Variants in EFCAB6 observed in about 807,000 individuals in gnomAD.
The protein encoded by EFCAB6 is EF-hand calcium-binding domain-containing protein 6.
In EFCAB6, 156 loss-of-function variants were observed where a neutral mutation model predicts 169.8. The observed-to-expected ratio is 0.92, with a 90% CI of 0.81 to 1.05. EFCAB6 has a LOEUF of 1.05. Ranked by LOEUF, EFCAB6 falls within the 50% of genes least tolerant of loss-of-function variation. The pLI is 0.00. For missense variants in EFCAB6, 1,800 were observed against 1,829.1 expected (o/e 0.98, Z 0.29); for synonymous variants, 698 against 676.4 (o/e 1.03, Z -0.50).
At chr22:43,714,982 C>T (rs1176327349) in intron 9 of EFCAB6, among the ~76,000 whole-genome samples, 3 of 152,094 alleles carry the variant, frequency 2.0e-5, no homozygotes, top group Admixed American at 6.6e-5. Flanking sequence ...ATAAACTCAG[C>T]TAAGGACAAA....
chr22:43,569,540 G>T (rs1394407182), intron 26 of EFCAB6, among the ~76,000 whole-genome samples: 1 of 152,230 alleles, frequency 6.6e-6, no homozygotes, highest in Non-Finnish European at 1.5e-5. Context: ...GATGCATGGA[G>T]TCTGCCTGGT....
intron 24 of EFCAB6, 76 bp from the exon 25 acceptor site, chr22:43,580,735 A>G: frequency 6.7e-7 from 1 of 1,491,332 alleles, no homozygotes; most frequent in Non-Finnish European, 9.2e-7. Context: ...ACAGTTGCTG[A>G]GCACATTGGG....
chr22:43,614,187 A>AAAAAAAAAAAAAAAG (rs1283606826), intron 21 of EFCAB6, among the ~76,000 whole-genome samples: 2 of 150,180 alleles, frequency 1.3e-5, no homozygotes, highest in East Asian at 3.9e-4. Flanking sequence ...CAAAAAAAAA[A>AAAAAAAAAAAAAAAG]AAAAAAGAAC....
At chr22:43,636,297 CG>C (rs1404154524) in intron 17 of EFCAB6, among the ~76,000 whole-genome samples, 3 of 152,130 alleles carry the variant, frequency 2.0e-5, no homozygotes, top group Admixed American at 2.0e-4. Context: ...AGCAGTGCAG[CG>C]GTGCTCACTG....
Position 43,763,241 on chromosome 22 carries a change from G to A in EFCAB6, c.440+2064C>T, listed in dbSNP as rs376330013. Among the ~76,000 whole-genome samples, 144 of 151,994 alleles carry A rather than the reference G, an allele frequency of 9.5e-4. 1 individual carries two copies. The highest frequency in any genetic ancestry group is 3.1e-3 in the African/African-American group (127 of 41,448). On this transcript the variant is annotated intron_variant, in intron 5 of 31. Transcript: ENST00000262726. ...TTTAGTAGAGATGGGGTTTTGCTAC[G>A]TTGGCTATGCTAGTCTCGAACTCCT...
chr22:43,782,266 C>A lies in EFCAB6; in HGVS notation c.53G>T (p.Arg18Leu). The A allele has an allele frequency of 6.2e-7, 1 of 1,614,018 alleles. No homozygotes were observed. Among genetic ancestry groups the A allele is most frequent in the East Asian group, 2.2e-5 (1 of 44,874 alleles). Residue 18 changes from arginine (R) to leucine (L), a missense_variant, in exon 3 of 32, where the codon CGA (arginine) becomes CTA (leucine). Coordinates refer to ENST00000262726, the MANE Select transcript of EFCAB6 (RefSeq NM_022785.4). ...ATGGGGTCTTGAATGTGTAAATTTTCGTGTGTGAGGATGCGACCTAAGCCA... is the reference window on the plus strand; with the variant it reads ...ATGGGGTCTTGAATGTGTAAATTTTAGTGTGTGAGGATGCGACCTAAGCCA... ...PDWLRSHPHT[R>L]KFTHSRPHSS...
In EFCAB6 at chr22:43,600,050, G is replaced by T. The variant is rs768256156; in HGVS notation, c.2876+19C>A. The T allele has an allele frequency of 6.2e-7, 1 of 1,609,386 alleles. No homozygotes were observed. The highest frequency in any genetic ancestry group is 1.3e-5 in the African/African-American group (1 of 74,828). Reference sequence around the variant, plus strand: ...AAGGGGACTTCTAGATGATGGCCCCGTGATCCTTCCTCACTCACCTGGCTG... The same window carrying T: ...AAGGGGACTTCTAGATGATGGCCCCTTGATCCTTCCTCACTCACCTGGCTG... On this transcript the variant is annotated intron_variant, in intron 23 of 31. Coordinates refer to ENST00000262726, the MANE Select transcript of EFCAB6 (RefSeq NM_022785.4).
intron 20 of EFCAB6, among the ~76,000 whole-genome samples, chr22:43,626,109 G>A (rs2054501133): frequency 6.6e-6 from 1 of 152,114 alleles, no homozygotes; most frequent in Admixed American, 6.5e-5. Flanking sequence ...GAATATATAT[G>A]TAAGTATATG....
chr22:43,585,098 T>C (rs1474696843), intron 24 of EFCAB6, among the ~76,000 whole-genome samples: 5 of 152,186 alleles, frequency 3.3e-5, no homozygotes, highest in Admixed American at 3.3e-4. Context: ...AAAGACACAG[T>C]ATGAAGAAAC....
In EFCAB6 at chr22:43,540,141, G is replaced by A. The variant is rs1447893041; in HGVS notation, c.3865C>T (p.Gln1289Ter). Residue 1289 changes from glutamine (Q) to a stop codon, truncating the protein, a stop_gained, in exon 28 of 32, where the codon CAG becomes TAG. Coordinates refer to ENST00000262726, the MANE Select transcript of EFCAB6 (RefSeq NM_022785.4). LOFTEE classifies it high-confidence loss of function. ...TQELRPGSKSQSHPCTPASTT... is the reference protein window; with the variant it reads ...TQELRPGSKS ...GGAGAACTCACACAGGGGTGGCTCT[G>A]CGACTTTGACCCTGGTCTCAGCTCC... 3 of 1,613,940 alleles carry A rather than the reference G, an allele frequency of 1.9e-6. No individual in the cohort carries two copies. In the African/African-American group the frequency reaches 4.0e-5, roughly 22 times the overall value.
chr22:43,621,344 C>T (rs566971849), intron 20 of EFCAB6, among the ~76,000 whole-genome samples: 2 of 152,076 alleles, frequency 1.3e-5, no homozygotes, highest in South Asian at 2.1e-4. Flanking sequence ...TCAAGTGATC[C>T]GCCCACCTCA....
intron 2 of EFCAB6, among the ~76,000 whole-genome samples, chr22:43,784,674 TATAC>T (rs1357592709): frequency 3.8e-4 from 19 of 49,652 alleles, no homozygotes; most frequent in East Asian, 7.6e-4. Flanking sequence ...CATATACATA[TATAC>T]ACACACACAC....
chr22:43,717,053 T>C, intron 8 of EFCAB6, 81 bp from the exon 9 acceptor site: 1 of 1,382,458 alleles, frequency 7.2e-7, no homozygotes. Context: ...AATCATTACT[T>C]GTTTGGTAAA....
chr22:43,557,986 A>T (rs995226932), intron 26 of EFCAB6, among the ~76,000 whole-genome samples: 3 of 152,256 alleles, frequency 2.0e-5, no homozygotes, highest in Admixed American at 6.5e-5. Flanking sequence ...GATGAACTAT[A>T]TATAAATAAA....
intron 11 of EFCAB6, among the ~76,000 whole-genome samples, chr22:43,685,641 G>A (rs1262578856): frequency 6.6e-6 from 1 of 152,172 alleles, no homozygotes; most frequent in African/African-American, 2.4e-5. Flanking sequence ...TACAGGCAGT[G>A]GTGACCCATC....
At chr22:43,755,686 T>TC (rs1460337263) in intron 6 of EFCAB6, 80 bp downstream of exon 6, 1 of 1,305,634 alleles carries the variant, frequency 7.7e-7, no homozygotes, top group East Asian at 2.5e-5. Context: ...TGGCTCATTT[T>TC]CTATCATCTA....
chr22:43,636,887 G>A (rs1484421681), intron 17 of EFCAB6, among the ~76,000 whole-genome samples: 1 of 152,090 alleles, frequency 6.6e-6, no homozygotes, highest in Non-Finnish European at 1.5e-5. Flanking sequence ...TGAGACATGA[G>A]CCACCACGCC....
At chr22:43,786,945 AG>A (rs1038272914) in intron 2 of EFCAB6, among the ~76,000 whole-genome samples, 3 of 152,146 alleles carry the variant, frequency 2.0e-5, no homozygotes, top group African/African-American at 4.8e-5. Flanking sequence ...TTATTAATCA[AG>A]GAAAAAAAAC....
At chr22:43,809,763 A>G (rs1427855508) in intron 1 of EFCAB6, among the ~76,000 whole-genome samples, 2 of 152,114 alleles carry the variant, frequency 1.3e-5, no homozygotes, top group African/African-American at 4.8e-5. Context: ...GCCTGCCACC[A>G]TGCCTGGCTA....
Sources: gnomAD v4.1 joint callset for allele counts (sites outside exome capture counted in the v4.1 genomes callset) on GRCh38, gnomAD v4.1.1 for gene constraint, MANE v1.5 for transcripts, NCBI Gene and HGNC (gene_info 2026-07-23, HGNC 2026-07-21) for gene names.